The following LHFPL3 variants were observed in gnomAD, a reference collection of about 807,000 sequenced individuals.
The protein encoded by LHFPL3 is LHFPL tetraspan subfamily member 3 protein.
LHFPL3 carries 5 observed loss-of-function variants against 19.3 expected under a neutral mutation model. That is an observed-to-expected ratio of 0.26 (90% CI 0.14 to 0.54). LHFPL3 has a LOEUF of 0.54. Ranked by LOEUF, LHFPL3 falls within the 20% of genes least tolerant of loss-of-function variation. The probability of loss-of-function intolerance (pLI) is 0.94; values close to 1 mark genes in which losing one functional copy is unlikely to be tolerated. For synonymous variants in LHFPL3, 133 were observed against 126.2 expected (o/e 1.05, Z -0.36); for missense variants, 249 against 307.4 (o/e 0.81, Z 1.42).
chr7:104,381,254 CAAT>C (rs1228504362), intron 1 of LHFPL3, among the ~76,000 whole-genome samples: 1 of 152,098 alleles, frequency 6.6e-6, no homozygotes, highest in Non-Finnish European at 1.5e-5. Flanking sequence ...AGTTGAGTAA[CAAT>C]AATTCAACAG....
intron 1 of LHFPL3, among the ~76,000 whole-genome samples, chr7:104,505,741 A>T (rs566767589): frequency 1.3e-5 from 2 of 152,246 alleles, no homozygotes; most frequent in Admixed American, 1.3e-4. Flanking sequence ...AATAAATGCA[A>T]TTAATGGAAT....
chr7:104,476,451 CT>C (rs10708859), intron 1 of LHFPL3, among the ~76,000 whole-genome samples: 65,095 of 147,488 alleles, frequency 0.44, 14,374 homozygotes, highest in African/African-American at 0.53. Flanking sequence ...TAGCTTCCCT[CT>C]TTTTTTTTTT....
At chr7:104,638,225 G>T (rs1562955677) in intron 1 of LHFPL3, among the ~76,000 whole-genome samples, 3 of 152,082 alleles carry the variant, frequency 2.0e-5, no homozygotes, top group Admixed American at 6.5e-5. Context: ...ACTGATTTTT[G>T]TACATTGATT....
chr7:104,781,152 C>A (rs1330313892), intron 2 of LHFPL3, among the ~76,000 whole-genome samples: 1 of 152,130 alleles, frequency 6.6e-6, no homozygotes, highest in African/African-American at 2.4e-5. Flanking sequence ...CCCAAGGATA[C>A]AAATTTTCTT....
intron 1 of LHFPL3, among the ~76,000 whole-genome samples, chr7:104,402,247 T>G (rs1196395896): frequency 6.6e-6 from 1 of 152,246 alleles, no homozygotes; most frequent in Non-Finnish European, 1.5e-5. Flanking sequence ...TTGTTTTCCC[T>G]TATTAATCTT....
At chr7:104,531,598 T>C (rs1794296621) in intron 1 of LHFPL3, among the ~76,000 whole-genome samples, 1 of 152,172 alleles carries the variant, frequency 6.6e-6, no homozygotes, top group South Asian at 2.1e-4. Context: ...TGCAGTCATG[T>C]CTTCTAGGAC....
intron 1 of LHFPL3, among the ~76,000 whole-genome samples, chr7:104,615,323 C>T (rs1791311728): frequency 6.6e-6 from 1 of 152,022 alleles, no homozygotes; most frequent in Non-Finnish European, 1.5e-5. Flanking sequence ...AAATATTTTC[C>T]CCTAGCAAAT....
At chr7:104,490,564 G>C (rs1003344594) in intron 1 of LHFPL3, among the ~76,000 whole-genome samples, 2 of 151,910 alleles carry the variant, frequency 1.3e-5, no homozygotes, top group Non-Finnish European at 2.9e-5. Context: ...ACCATTAGGC[G>C]CCTTAAAACA....
chr7:104,550,108 C>A (rs1279456079), intron 1 of LHFPL3, among the ~76,000 whole-genome samples: 1 of 152,120 alleles, frequency 6.6e-6, no homozygotes, highest in Non-Finnish European at 1.5e-5. Context: ...AAGTGGCCTA[C>A]TGCAGAAACC....
intron 1 of LHFPL3, among the ~76,000 whole-genome samples, chr7:104,557,651 TTTTTTATTTTTTATTTTTA>T (rs947967776): frequency 6.6e-6 from 1 of 151,626 alleles, no homozygotes; most frequent in Admixed American, 6.6e-5. Context: ...CTTTAATCTG[TTTTTTATTTTTTATTTTTA>T]TTTTTATTTT....
chr7:104,695,955 G>T (rs1034273341), intron 1 of LHFPL3, among the ~76,000 whole-genome samples: 6 of 151,948 alleles, frequency 3.9e-5, no homozygotes, highest in African/African-American at 7.3e-5. Context: ...TTTGTTTTTT[G>T]TTGTTGTTTT....
intron 1 of LHFPL3, among the ~76,000 whole-genome samples, chr7:104,406,608 T>G (rs1320151751): frequency 1.3e-5 from 2 of 152,230 alleles, no homozygotes; most frequent in African/African-American, 4.8e-5. Flanking sequence ...CCCATGATCT[T>G]TCCACTGATC....
intron 1 of LHFPL3, among the ~76,000 whole-genome samples, chr7:104,675,715 G>A (rs1792577315): frequency 6.6e-6 from 1 of 152,114 alleles, no homozygotes; most frequent in Admixed American, 6.5e-5. Context: ...CAAATGTGGG[G>A]CACGAGACAG....
chr7:104,755,546 T>A (rs1403965808), intron 2 of LHFPL3, among the ~76,000 whole-genome samples: 4 of 151,526 alleles, frequency 2.6e-5, no homozygotes, highest in African/African-American at 9.7e-5. Context: ...TGTCTCTCTC[T>A]CTGTCTCTCT....
intron 1 of LHFPL3, among the ~76,000 whole-genome samples, chr7:104,634,441 C>T (rs535332741): frequency 1.3e-5 from 2 of 152,282 alleles, no homozygotes; most frequent in South Asian, 2.1e-4. Context: ...CTCATTTAAC[C>T]TTTATCACCT....
chr7:104,638,298 A>C (rs1791765569), intron 1 of LHFPL3, among the ~76,000 whole-genome samples: 1 of 152,104 alleles, frequency 6.6e-6, no homozygotes, highest in Admixed American at 6.5e-5. Context: ...CAGAGACTAT[A>C]GGGTTTTCTA....
chr7:104,820,820 G>T (rs537376137), intron 2 of LHFPL3, among the ~76,000 whole-genome samples: 4 of 152,076 alleles, frequency 2.6e-5, no homozygotes, highest in Non-Finnish European at 5.9e-5. Context: ...GGAGAGAAAC[G>T]CCTTCCATTC....
At chr7:104,404,217 T>C (rs1394375369) in intron 1 of LHFPL3, among the ~76,000 whole-genome samples, 2 of 152,218 alleles carry the variant, frequency 1.3e-5, no homozygotes, top group Non-Finnish European at 2.9e-5. Context: ...TCTTTAAAGT[T>C]ATTTTAATGA....
chr7:104,769,523 T>C (rs1015432985), intron 2 of LHFPL3, among the ~76,000 whole-genome samples: 2 of 152,204 alleles, frequency 1.3e-5, no homozygotes, highest in Admixed American at 6.5e-5. Flanking sequence ...GTTTGTTACA[T>C]AGGTATACAC....
Sources: allele counts gnomAD v4.1 joint callset (sites outside exome capture counted in the v4.1 genomes callset), GRCh38; gene constraint gnomAD v4.1.1; transcripts MANE v1.5; gene names NCBI Gene and HGNC (gene_info 2026-07-23, HGNC 2026-07-21).